Variants in KSR1 observed in about 807,000 individuals in gnomAD.
KSR1 encodes the protein kinase suppressor of ras.
Under a neutral mutation model 92.9 loss-of-function variants are expected in KSR1, and 35 were observed. That is an observed-to-expected ratio of 0.38 (90% CI 0.29 to 0.50). The LOEUF is 0.50. KSR1 is among the 20% of genes least tolerant of loss of function. The pLI is 0.94. For synonymous variants in KSR1, 467 were observed against 472.6 expected, an observed-to-expected ratio of 0.99 and a Z score of 0.15; for missense variants, 972 against 1,158.5, an observed-to-expected ratio of 0.84 and a Z score of 2.34.
At chr17:27,493,719 C>T (rs546290806) in intron 1 of KSR1, among the ~76,000 whole-genome samples, 6 of 152,252 alleles carry the variant, frequency 3.9e-5, no homozygotes, top group African/African-American at 1.4e-4. Flanking sequence ...CAGCCCTAAA[C>T]TCTCTGTAAT....
chr17:27,490,197 A>G (rs1193515702), intron 1 of KSR1, among the ~76,000 whole-genome samples: 1 of 152,212 alleles, frequency 6.6e-6, no homozygotes, highest in Admixed American at 6.5e-5. Context: ...TGTTGAGAGG[A>G]TCAAATGGGA....
chr17:27,577,544 A>T lies in KSR1; in HGVS notation c.425A>T (p.Lys142Met). The T allele has an allele frequency of 6.2e-7, 1 of 1,605,128 alleles. No individual in the cohort carries two copies. The highest frequency in any genetic ancestry group is 8.5e-7 in the Non-Finnish European group (1 of 1,178,564). The change falls in exon 3 of 21, where the codon AAG becomes ATG. Residue 142 changes from lysine (K) to methionine (M), a missense_variant. By Grantham distance (95) the Lys-to-Met change is moderately conservative. This residue lies in a region of KSR1 where 611 missense variants were observed against 668.0 expected (regional missense o/e 0.91). Coordinates refer to ENST00000644974, the MANE Select transcript of KSR1 (RefSeq NM_001394583.1). The surrounding 1 kb of genome is among the most constrained non-coding windows in gnomAD (Gnocchi z 4.5). ...GCCCTGCTGGAGATGAATGAGGCCA[A>T]GGTGAAGGAGACGCTGCGGCGCTGT... The part of the protein sequence containing the change: ...LDALLEMNEA[K>M]VKETLRRCGA...
At chr17:27,532,070 T>C (rs2070562634) in intron 1 of KSR1, among the ~76,000 whole-genome samples, 1 of 152,202 alleles carries the variant, frequency 6.6e-6, no homozygotes, top group African/African-American at 2.4e-5. Flanking sequence ...TCTCTGGGCC[T>C]CAGTTTCCTC....
chr17:27,538,722 G>A (rs899208362), intron 1 of KSR1, among the ~76,000 whole-genome samples: 6 of 152,228 alleles, frequency 3.9e-5, no homozygotes. Flanking sequence ...CTGATATTAG[G>A]TGGAGATGAG....
intron 4 of KSR1, chr17:27,583,946 A>G (rs2072873722): frequency 1.1e-5 from 11 of 983,262 alleles, no homozygotes; most frequent in Admixed American, 6.1e-5. Context: ...CCAGGCTAGC[A>G]GTTTTGTGTA....
At chr17:27,606,488 T>C (rs1163107199) in intron 14 of KSR1, among the ~76,000 whole-genome samples, 1 of 152,248 alleles carries the variant, frequency 6.6e-6, no homozygotes, top group Non-Finnish European at 1.5e-5. Context: ...GCTCACACCT[T>C]GCCTCCTGCA....
At chr17:27,510,519 T>C (rs1382640070) in intron 1 of KSR1, among the ~76,000 whole-genome samples, 1 of 151,986 alleles carries the variant, frequency 6.6e-6, no homozygotes, top group Non-Finnish European at 1.5e-5. Context: ...TTGGAAAGAG[T>C]GTGGGAGCTA....
At chr17:27,583,906 C>T in intron 4 of KSR1, 1 of 809,050 alleles carries the variant, frequency 1.2e-6, no homozygotes, top group Non-Finnish European at 1.5e-6. Flanking sequence ...CATTTTTATT[C>T]AGTCACAGGG....
intron 1 of KSR1, among the ~76,000 whole-genome samples, chr17:27,475,414 C>T (rs1391123776): frequency 6.6e-6 from 1 of 152,220 alleles, no homozygotes; most frequent in African/African-American, 2.4e-5. Flanking sequence ...GGCTGGCACA[C>T]TAACCTACTG....
chr17:27,540,403 C>A (rs1268767617), intron 1 of KSR1, among the ~76,000 whole-genome samples: 1 of 152,204 alleles, frequency 6.6e-6, no homozygotes, highest in Non-Finnish European at 1.5e-5. Flanking sequence ...GCCGTTCTCA[C>A]CCCTGGCCTC....
intron 2 of KSR1, among the ~76,000 whole-genome samples, chr17:27,555,341 A>G (rs1043504253): frequency 7.9e-5 from 12 of 152,172 alleles, no homozygotes; most frequent in African/African-American, 2.9e-4. Context: ...TTATTCATTC[A>G]GTCATTTATA....
chr17:27,511,497 A>T (rs963049629), intron 1 of KSR1, among the ~76,000 whole-genome samples: 1 of 152,200 alleles, frequency 6.6e-6, no homozygotes, highest in Non-Finnish European at 1.5e-5. Flanking sequence ...TGAGAAAGAC[A>T]AGAAAACAGC....
intron 1 of KSR1, among the ~76,000 whole-genome samples, chr17:27,467,302 G>C (rs1341225690): frequency 6.6e-6 from 1 of 152,238 alleles, no homozygotes; most frequent in Non-Finnish European, 1.5e-5. Context: ...TAGGCTCTGG[G>C]GGGTAGCCCC....
chr17:27,565,042 T>TGTTAG (rs2072007225), intron 2 of KSR1, among the ~76,000 whole-genome samples: 1 of 152,256 alleles, frequency 6.6e-6, no homozygotes, highest in African/African-American at 2.4e-5. Context: ...AACCATTGGC[T>TGTTAG]GTTAGCTTTT....
At chr17:27,607,541 G>A (rs992255809) in intron 14 of KSR1, among the ~76,000 whole-genome samples, 3 of 152,168 alleles carry the variant, frequency 2.0e-5, no homozygotes, top group African/African-American at 4.8e-5. Flanking sequence ...GAGCCTTGAT[G>A]TTGCCTGTTG....
chr17:27,509,658 GT>G (rs1202503996), intron 1 of KSR1, among the ~76,000 whole-genome samples: 1 of 62,498 alleles, frequency 1.6e-5, no homozygotes, highest in African/African-American at 5.5e-5. Flanking sequence ...TTTGTCTCTA[GT>G]TTAAAACAAA....
At chr17:27,583,464 C>T (rs183823532) in intron 4 of KSR1, among the ~76,000 whole-genome samples, 29 of 152,364 alleles carry the variant, frequency 1.9e-4, no homozygotes, top group African/African-American at 5.3e-4. Context: ...AGCCTCCTTC[C>T]GGGCCCAGAC....
intron 1 of KSR1, among the ~76,000 whole-genome samples, chr17:27,544,044 C>CA (rs2071072116): frequency 6.6e-6 from 1 of 152,198 alleles, no homozygotes; most frequent in South Asian, 2.1e-4. Context: ...GCTGCCGCCG[C>CA]AAGAGTGTTT....
intron 1 of KSR1, among the ~76,000 whole-genome samples, chr17:27,527,499 G>A (rs1027395334): frequency 5.4e-5 from 7 of 130,328 alleles, no homozygotes; most frequent in Non-Finnish European, 8.1e-5. Flanking sequence ...GCCTCCTGGC[G>A]ATTCTCCTGC....
Sources: gnomAD v4.1 joint callset for allele counts (sites outside exome capture counted in the v4.1 genomes callset) on GRCh38, gnomAD v4.1.1 for gene constraint, gnomAD v4.1.1 regional missense constraint, Gnocchi (gnomAD v3.1) non-coding constraint, MANE v1.5 for transcripts, NCBI Gene and HGNC (gene_info 2026-07-23, HGNC 2026-07-21) for gene names.